Variants in DEUP1 observed in about 807,000 individuals in gnomAD.
DEUP1 encodes deuterosome assembly protein 1.
Under a neutral mutation model 87.4 loss-of-function variants are expected in DEUP1, and 82 were observed. The observed-to-expected ratio is 0.94, with a 90% CI of 0.78 to 1.13. The LOEUF is 1.13. DEUP1 is among the 50% of genes most tolerant of loss of function. DEUP1 has a pLI of 0.00. For missense variants in DEUP1, 663 were observed against 681.5 expected (o/e 0.97, Z 0.30); for synonymous variants, 214 against 222.7 (o/e 0.96, Z 0.35).
At chr11:93,369,451 C>CAA (rs35149531) in intron 5 of DEUP1, among the ~76,000 whole-genome samples, 7 of 130,128 alleles carry the variant, frequency 5.4e-5, no homozygotes, top group African/African-American at 1.5e-4. Flanking sequence ...GTGGCAAATG[C>CAA]AAAAAAAAAA....
intron 8 of DEUP1, among the ~76,000 whole-genome samples, chr11:93,388,215 G>T (rs1946650927): frequency 6.6e-6 from 1 of 152,006 alleles, no homozygotes; most frequent in Non-Finnish European, 1.5e-5. Flanking sequence ...AATTTCTGAA[G>T]GTGTGAAATC....
At chr11:93,406,057 T>A (rs192401668) in intron 11 of DEUP1, among the ~76,000 whole-genome samples, 87 of 152,116 alleles carry the variant, frequency 5.7e-4, no homozygotes, top group African/African-American at 2.0e-3. Flanking sequence ...ATTGTGAGAA[T>A]ATATCCTATT....
At chr11:93,408,087 A>G in intron 11 of DEUP1, 144 bp from the exon 12 acceptor site, 1 of 575,222 alleles carries the variant, frequency 1.7e-6, no homozygotes, top group Non-Finnish European at 3.0e-6. Context: ...GGTGGAAAGG[A>G]GCATTTAGAA....
intron 2 of DEUP1, among the ~76,000 whole-genome samples, chr11:93,339,908 G>T (rs1236560611): frequency 2.0e-5 from 3 of 152,160 alleles, no homozygotes; most frequent in Admixed American, 6.5e-5. Context: ...CCACTGTCTG[G>T]CAGTAATGAG....
At position 93,370,144 on chromosome 11, in the gene DEUP1, T is replaced by C; in HGVS notation, c.504T>C (p.Asp168=). ...ATCAGACTCATCTGATTTCTTTAGA[T>C]GCTCAACAAAAATTATTATCTGAGA... ...ILYQTHLISL[D]AQQKLLSEKC... The change falls in exon 6 of 14, where the codon GAT becomes GAC. Residue 168 remains aspartate, a synonymous_variant. Transcript: ENST00000298050. 3.1e-6 allele frequency: 5 copies of C among 1,602,746 alleles called. No individual in the cohort carries two copies. The highest frequency in any genetic ancestry group is 4.3e-6 in the Non-Finnish European group (5 of 1,171,810).
At chr11:93,401,809 G>A (rs1404982330) in intron 11 of DEUP1, among the ~76,000 whole-genome samples, 1 of 151,972 alleles carries the variant, frequency 6.6e-6, no homozygotes, top group Non-Finnish European at 1.5e-5. Flanking sequence ...ATTACGTGTA[G>A]AAGAATAAAA....
intron 5 of DEUP1, among the ~76,000 whole-genome samples, chr11:93,364,862 A>T (rs1316776538): frequency 1.3e-5 from 2 of 152,122 alleles, no homozygotes; most frequent in African/African-American, 4.8e-5. Context: ...AAAAACTTTA[A>T]AAATACACTG....
intron 7 of DEUP1, among the ~76,000 whole-genome samples, chr11:93,380,745 T>C (rs1946267939): frequency 6.6e-6 from 1 of 152,160 alleles, no homozygotes; most frequent in African/African-American, 2.4e-5. Context: ...TATACTGATT[T>C]CTATGAGGAA....
intron 9 of DEUP1, among the ~76,000 whole-genome samples, chr11:93,393,221 G>C (rs1333151398): frequency 1.3e-5 from 2 of 150,220 alleles, no homozygotes; most frequent in Non-Finnish European, 1.5e-5. Context: ...CCTTCCACCC[G>C]ACTAACTGAG....
intron 11 of DEUP1, among the ~76,000 whole-genome samples, chr11:93,405,825 G>T (rs1947256257): frequency 6.6e-6 from 1 of 151,810 alleles, no homozygotes; most frequent in Non-Finnish European, 1.5e-5. Flanking sequence ...TAGGAACTTA[G>T]TTCTAAGCTG....
rs1050442489 is a variant in DEUP1, at chr11:93,374,286, G to A, written c.789+3006G>A. On this transcript the variant is annotated intron_variant, in intron 7 of 13. Coordinates refer to ENST00000298050, the MANE Select transcript of DEUP1 (RefSeq NM_181645.4). ...GTGTAGAAGCTCTTTAGTTTAATTAGGTCCCATCTATGTATCCTTGTTTTT... is the reference window on the plus strand; with the variant it reads ...GTGTAGAAGCTCTTTAGTTTAATTAAGTCCCATCTATGTATCCTTGTTTTT... Among the ~76,000 whole-genome samples, 4 of 152,170 alleles carry A rather than the reference G, an allele frequency of 2.6e-5. 1 individual carries two copies. The South Asian group carries it at 8.3e-4, about 32-fold the overall frequency.
chr11:93,430,369 T>A (rs1948067073), intron 13 of DEUP1, among the ~76,000 whole-genome samples: 1 of 152,146 alleles, frequency 6.6e-6, no homozygotes, highest in African/African-American at 2.4e-5. Context: ...CAGATTGTGA[T>A]ATATACATAC....
At chr11:93,340,014 G>A (rs760872083) in intron 2 of DEUP1, among the ~76,000 whole-genome samples, 22 of 152,146 alleles carry the variant, frequency 1.4e-4, no homozygotes, top group Non-Finnish European at 2.6e-4. Context: ...TAATACCCAA[G>A]CAAATTAGGG....
intron 2 of DEUP1, among the ~76,000 whole-genome samples, chr11:93,349,752 G>A (rs1393967909): frequency 6.6e-6 from 1 of 151,840 alleles, no homozygotes; most frequent in Non-Finnish European, 1.5e-5. Flanking sequence ...ATCTCTAGGA[G>A]CAATAGAAGG....
chr11:93,420,067 G>A (rs962634271), intron 13 of DEUP1, among the ~76,000 whole-genome samples: 4 of 152,070 alleles, frequency 2.6e-5, no homozygotes, highest in Non-Finnish European at 5.9e-5. Flanking sequence ...CATTTTATGA[G>A]GCCAGCATCA....
Position 93,437,712 on chromosome 11 carries a change from A to G in DEUP1, c.1808A>G (p.His603Arg). Residue 603 changes from histidine to arginine, a missense_variant, in exon 14 of 14, where the codon CAC (histidine) becomes CGC (arginine). Transcript: ENST00000298050. Reference protein sequence around the residue: ...NKYSKLKQNRHI With the variant: ...NKYSKLKQNRRI ...TACTCCAAGCTAAAACAAAATAGAC[A>G]CATATGAGCTTTTAAACTTTTTTAT... 2.5e-6 allele frequency: 4 copies of G among 1,572,436 alleles called. No homozygotes were observed. The highest frequency in any genetic ancestry group is 3.5e-6 in the Non-Finnish European group (4 of 1,147,800).
intron 3 of DEUP1, among the ~76,000 whole-genome samples, chr11:93,356,011 A>G (rs1565302787): frequency 6.6e-6 from 1 of 152,166 alleles, no homozygotes; most frequent in Non-Finnish European, 1.5e-5. Flanking sequence ...TACCTGGGAC[A>G]CCCACTTAAG....
At chr11:93,337,491 A>AC (rs1179347296) in intron 2 of DEUP1, among the ~76,000 whole-genome samples, 1 of 152,054 alleles carries the variant, frequency 6.6e-6, no homozygotes, top group Non-Finnish European at 1.5e-5. Flanking sequence ...CCCAGACTGT[A>AC]CCCCCTTACT....
chr11:93,371,430 T>C (rs1945723822), intron 7 of DEUP1, 150 bp downstream of exon 7: 1 of 876,718 alleles, frequency 1.1e-6, no homozygotes, highest in African/African-American at 1.7e-5. Flanking sequence ...TCGCACTTGA[T>C]GCGTAGATTC....
Sources: gnomAD v4.1 joint callset for allele counts (sites outside exome capture counted in the v4.1 genomes callset) on GRCh38, gnomAD v4.1.1 for gene constraint, MANE v1.5 for transcripts, NCBI Gene and HGNC (gene_info 2026-07-23, HGNC 2026-07-21) for gene names.